BLTP2: variants seen among roughly 807,000 people sequenced by gnomAD.
The protein encoded by BLTP2 is U937-associated antigen.
chr17:28,644,967 C>CGGCGCGG, the BLTP2 span: 1 of 1,561,492 alleles, frequency 6.4e-7, no homozygotes, highest in Non-Finnish European at 8.7e-7. Flanking sequence ...CCGCCGCCGC[C>CGGCGCGG]GGCGCGGCCG....
At chr17:28,615,077 C>T in the BLTP2 span, 2 of 1,613,324 alleles carry the variant, frequency 1.2e-6, no homozygotes, top group African/African-American at 1.3e-5. Flanking sequence ...TTTGCGCCTG[C>T]CAAAGATGGA....
the BLTP2 span, chr17:28,644,189 T>A: frequency 1.2e-6 from 2 of 1,612,430 alleles, no homozygotes; most frequent in Non-Finnish European, 1.7e-6. Context: ...ACAAGCCACC[T>A]GCAGAAAAAT....
chr17:28,640,572 T>C, the BLTP2 span: 1 of 1,614,164 alleles, frequency 6.2e-7, no homozygotes. Context: ...CTTTTGACTA[T>C]TCATGGACAA....
the BLTP2 span, chr17:28,635,434 C>T: frequency 1.2e-5 from 19 of 1,614,010 alleles, no homozygotes; most frequent in East Asian, 2.2e-5. Flanking sequence ...CTCAGGGGCA[C>T]GGCCTTCTAG....
At chr17:28,622,932 G>A in the BLTP2 span, among the ~76,000 whole-genome samples, 2,610 of 152,124 alleles carry the variant, frequency 0.017, 35 homozygotes, top group Non-Finnish European at 0.028. Context: ...AAAATTAGCC[G>A]GGCATGGTGG....
At chr17:28,620,400 G>C in the BLTP2 span, 6 of 1,272,578 alleles carry the variant, frequency 4.7e-6, no homozygotes, top group South Asian at 8.3e-5. Flanking sequence ...CCAACCACAA[G>C]GCCCTTTTTC....
At chr17:28,632,966 T>A in the BLTP2 span, 2 of 1,545,850 alleles carry the variant, frequency 1.3e-6, no homozygotes, top group Non-Finnish European at 1.7e-6. Context: ...GTCAGATCCA[T>A]CTTGATGGAG....
the BLTP2 span, chr17:28,620,931 T>TA: frequency 6.7e-7 from 1 of 1,488,000 alleles, no homozygotes; most frequent in African/African-American, 1.4e-5. Flanking sequence ...ACCAAGGAAA[T>TA]AACTACTTTC....
the BLTP2 span, chr17:28,616,574 G>A: frequency 2.5e-6 from 4 of 1,613,960 alleles, no homozygotes; most frequent in Non-Finnish European, 3.4e-6. This position sits in a 1 kb window ranked among gnomAD's most constrained non-coding sequence, Gnocchi z 4.8. Flanking sequence ...TGTCTTTGGG[G>A]TTGCTACCCT....
At chr17:28,619,586 A>G in the BLTP2 span, 1 of 1,600,344 alleles carries the variant, frequency 6.2e-7, no homozygotes, top group Middle Eastern at 2.2e-4. Context: ...CAGTCAAAAC[A>G]TGGGCAAGAA....
At chr17:28,616,841 C>T in the BLTP2 span, 6 of 1,604,750 alleles carry the variant, frequency 3.7e-6, no homozygotes, top group Non-Finnish European at 5.1e-6. The surrounding 1 kb of genome is among the most constrained non-coding windows in gnomAD (Gnocchi z 4.8). Context: ...ACACAGGTGG[C>T]TTTTGAATGT....
At chr17:28,635,589 C>G in the BLTP2 span, 24 of 1,613,410 alleles carry the variant, frequency 1.5e-5, 1 homozygote, top group South Asian at 2.5e-4. Context: ...AAAGTAAGGT[C>G]AGCCCTGCAC....
the BLTP2 span, chr17:28,640,100 GTAAT>G: frequency 6.4e-7 from 1 of 1,556,746 alleles, no homozygotes; most frequent in Middle Eastern, 2.4e-4. Flanking sequence ...TTTTTTAAAA[GTAAT>G]TATTTTTTGG....
chr17:28,616,226 C>T, the BLTP2 span: 2 of 1,605,012 alleles, frequency 1.2e-6, no homozygotes, highest in Non-Finnish European at 1.7e-6. This position sits in a 1 kb window ranked among gnomAD's most constrained non-coding sequence, Gnocchi z 4.8. Context: ...GAGTGTGAGC[C>T]CTGAATCCAT....
At chr17:28,635,625 G>A in the BLTP2 span, 3 of 1,594,876 alleles carry the variant, frequency 1.9e-6, no homozygotes, top group Non-Finnish European at 2.6e-6. Flanking sequence ...GGGAGCAGAA[G>A]AAAAGGATCT....
chr17:28,638,088 A>G, the BLTP2 span: 4 of 1,613,798 alleles, frequency 2.5e-6, no homozygotes, highest in Non-Finnish European at 3.4e-6. Context: ...GGCTGGTTAT[A>G]GCTACCCTAG....
At chr17:28,624,482 T>C in the BLTP2 span, 8 of 1,159,970 alleles carry the variant, frequency 6.9e-6, no homozygotes, top group African/African-American at 6.1e-5. Flanking sequence ...CCTCAATTTA[T>C]CTGGCTAGGT....
the BLTP2 span, chr17:28,617,344 T>C: frequency 4.5e-6 from 7 of 1,566,994 alleles, no homozygotes; most frequent in African/African-American, 8.1e-5. Context: ...TTGCCCCATC[T>C]ACTATAATAA....
At chr17:28,642,932 G>C in the BLTP2 span, 2 of 1,612,054 alleles carry the variant, frequency 1.2e-6, no homozygotes, top group South Asian at 2.2e-5. Flanking sequence ...TAAGGACTCA[G>C]AGGTATCCAC....
Sources: gnomAD v4.1 joint callset for allele counts (sites outside exome capture counted in the v4.1 genomes callset) on GRCh38, gnomAD v4.1.1 for gene constraint, Gnocchi (gnomAD v3.1) non-coding constraint, MANE v1.5 for transcripts, NCBI Gene and HGNC (gene_info 2026-07-23, HGNC 2026-07-21) for gene names.